Variants in FAM149B1 observed in about 807,000 individuals in gnomAD.
The protein encoded by FAM149B1 is family with sequence similarity 149 member B1.
In FAM149B1, 56 loss-of-function variants were observed where a neutral mutation model predicts 75.3. That is an observed-to-expected ratio of 0.74 (90% CI 0.60 to 0.93). The LOEUF is 0.93. FAM149B1 is among the 40% of genes least tolerant of loss of function. FAM149B1 has a pLI of 0.00. For synonymous variants in FAM149B1, 259 were observed against 256.1 expected (o/e 1.01, Z -0.11); for missense variants, 639 against 708.4 (o/e 0.90, Z 1.11).
intron 5 of FAM149B1, chr10:73,199,997 C>T (rs1485780429): frequency 5.0e-6 from 1 of 201,746 alleles, no homozygotes; most frequent in Non-Finnish European, 1.1e-5. Context: ...CAGAAGCCTT[C>T]CGCTATTCAG....
chr10:73,230,129 CAAT>C (rs762443646), intron 8 of FAM149B1, among the ~76,000 whole-genome samples: 1 of 151,990 alleles, frequency 6.6e-6, no homozygotes, highest in Non-Finnish European at 1.5e-5. Flanking sequence ...TTAATGTAAA[CAAT>C]AATAATAAAG....
chr10:73,207,012 C>A (rs2043079598), intron 5 of FAM149B1, among the ~76,000 whole-genome samples: 1 of 152,188 alleles, frequency 6.6e-6, no homozygotes, highest in Non-Finnish European at 1.5e-5. Context: ...ACACAGAGGG[C>A]AAAGAGTGAA....
intron 11 of FAM149B1, 115 bp from the exon 12 acceptor site, chr10:73,235,078 G>C (rs2043792553): frequency 6.9e-7 from 1 of 1,446,970 alleles, no homozygotes; most frequent in Admixed American, 2.1e-5. Context: ...TTATGACGTG[G>C]AATTGGAGCT....
intron 5 of FAM149B1, among the ~76,000 whole-genome samples, chr10:73,206,918 AAAACAAACAAAC>A (rs147394652): frequency 1.3e-5 from 2 of 151,148 alleles, no homozygotes; most frequent in African/African-American, 2.5e-5. Context: ...CTGTCTCAAA[AAAACAAACAAAC>A]AAACAAACAA....
chr10:73,193,131 G>A (rs1488955209), intron 4 of FAM149B1, among the ~76,000 whole-genome samples: 1 of 152,186 alleles, frequency 6.6e-6, no homozygotes, highest in African/African-American at 2.4e-5. Context: ...ACGTTTTTAA[G>A]AATATAATTC....
At position 73,243,477 on chromosome 10, in the gene FAM149B1, C is replaced by T; in HGVS notation, c.*2458C>T. On this transcript the variant is annotated 3_prime_UTR_variant, in exon 14 of 14. Transcript: ENST00000242505. ...TTGCAGTACTTTGCTTCCATCTGAGCCAGAAAATTGTCCATTTCCTTTTGC... is the reference window on the plus strand; with the variant it reads ...TTGCAGTACTTTGCTTCCATCTGAGTCAGAAAATTGTCCATTTCCTTTTGC... 1 of 1,614,090 alleles carries T rather than the reference C, an allele frequency of 6.2e-7. No homozygotes were observed. The highest frequency in any genetic ancestry group is 8.5e-7 in the Non-Finnish European group (1 of 1,179,996).
chr10:73,214,495 G>T (rs1265725119), intron 7 of FAM149B1, among the ~76,000 whole-genome samples: 1 of 152,058 alleles, frequency 6.6e-6, no homozygotes, highest in Non-Finnish European at 1.5e-5. Flanking sequence ...AGTGTGTTGA[G>T]GACCTTTATC....
intron 6 of FAM149B1, among the ~76,000 whole-genome samples, chr10:73,209,948 C>T (rs568885205): frequency 3.9e-4 from 59 of 152,174 alleles, no homozygotes; most frequent in Middle Eastern, 3.4e-3. Flanking sequence ...TCACGTATCA[C>T]TCATGTGCAC....
At chr10:73,215,839 T>C (rs962849882) in intron 7 of FAM149B1, among the ~76,000 whole-genome samples, 1 of 152,228 alleles carries the variant, frequency 6.6e-6, no homozygotes, top group African/African-American at 2.4e-5. Flanking sequence ...ATTTGGTCTG[T>C]CTTGGAGAAT....
Position 73,202,494 on chromosome 10 carries a change from G to A in FAM149B1, c.543-6125G>A, listed in dbSNP as rs560969103. Among the ~76,000 whole-genome samples the A allele has an allele frequency of 2.2e-4, 33 of 151,460 alleles. No individual in the cohort carries two copies. The South Asian group carries it at 5.6e-3, about 26-fold the overall frequency. On this transcript the variant is annotated intron_variant, in intron 5 of 13. Transcript: ENST00000242505. Reference sequence around the variant, plus strand: ...GTTACCCAGGCTGCAGTGCAATGGCGTGATCTCTGCTCACTGCAACCTCTG... The same window carrying A: ...GTTACCCAGGCTGCAGTGCAATGGCATGATCTCTGCTCACTGCAACCTCTG...
intron 3 of FAM149B1, among the ~76,000 whole-genome samples, chr10:73,190,641 A>G (rs1163295067): frequency 1.3e-5 from 2 of 152,168 alleles, no homozygotes; most frequent in Non-Finnish European, 2.9e-5. Context: ...AAGGATGTGT[A>G]AATTTAGATG....
At position 73,193,566 on chromosome 10, in the gene FAM149B1, C is replaced by T. The variant is rs370830764; in HGVS notation, c.515C>T (p.Thr172Ile). 2 of 1,550,822 alleles carry T rather than the reference C, an allele frequency of 1.3e-6. No individual in the cohort carries two copies. Among genetic ancestry groups the T allele is most frequent in the Non-Finnish European group, 8.7e-7 (1 of 1,146,510 alleles). The stretch of plus-strand genomic sequence containing the variant: ...GCTGTTTCCGCTTCATATGAAACAA[C>T]CTTGTCTCAAGAAAGAGATTCTACT... ...PSAVSASYETTLSQERDSTIF... is the reference protein window; with the variant it reads ...PSAVSASYETILSQERDSTIF... Residue 172 changes from threonine to isoleucine, a missense_variant, in exon 5 of 14, where the codon ACC becomes ATC. Physicochemically the swap from Thr to Ile is moderately conservative, Grantham distance 89 (BLOSUM62 -1). Coordinates refer to ENST00000242505, the MANE Select transcript of FAM149B1 (RefSeq NM_173348.2).
chr10:73,235,321 A>G lies in FAM149B1; in HGVS notation c.1602+3A>G, dbSNP rs2043798174. The G allele has an allele frequency of 6.4e-7, 1 of 1,551,962 alleles. No homozygotes were observed. The highest frequency in any genetic ancestry group is 8.7e-7 in the Non-Finnish European group (1 of 1,147,090). ...CCAACACAACTCAATCATTTTTGGT[A>G]GAGTGACGTACTTCCTAGAATGGTC... On this transcript the variant is annotated splice_donor_region_variant and intron_variant, in intron 12 of 13. Coordinates refer to ENST00000242505, the MANE Select transcript of FAM149B1 (RefSeq NM_173348.2).
intron 7 of FAM149B1, among the ~76,000 whole-genome samples, chr10:73,225,826 A>G (rs988069151): frequency 5.9e-5 from 9 of 152,076 alleles, no homozygotes; most frequent in African/African-American, 2.2e-4. Flanking sequence ...TACCTTTCCT[A>G]TGTTCAGGCT....
In FAM149B1 at chr10:73,168,391, G is replaced by C; in HGVS notation, c.47+5G>C. The C allele has an allele frequency of 1.9e-6, 3 of 1,549,824 alleles. No homozygotes were observed. The highest frequency in any genetic ancestry group is 1.2e-5 in the South Asian group (1 of 83,972). ...GGTGCCACAGAGCTTGGAGCTGTGA[G>C]TGGACTGCTCAGCCACCCCAGCCGG... On this transcript the variant is annotated splice_donor_5th_base_variant and intron_variant, in intron 1 of 13. Coordinates refer to ENST00000242505, the MANE Select transcript of FAM149B1 (RefSeq NM_173348.2).
At position 73,210,330 on chromosome 10, in the gene FAM149B1, T is replaced by C; in HGVS notation, c.790T>C (p.Tyr264His). The change falls in exon 7 of 14, where the codon TAC becomes CAC. Residue 264 changes from tyrosine to histidine, a missense_variant. Tyr to His is a moderately conservative substitution (Grantham distance 83, BLOSUM62 2). Coordinates refer to ENST00000242505, the MANE Select transcript of FAM149B1 (RefSeq NM_173348.2). ...KLGYPPIAPF[Y>H]CMKEDVLAYV... ...AGGGTATCCTCCCATTGCTCCATTT[T>C]ACTGCATGAAAGAAGATGTCCTTGC... is the stretch of plus-strand genomic sequence containing the variant. 2.6e-6 allele frequency: 4 copies of C among 1,551,192 alleles called. No individual in the cohort carries two copies. The highest frequency in any genetic ancestry group is 3.5e-6 in the Non-Finnish European group (4 of 1,146,402).
chr10:73,236,749 G>T (rs1386827430), intron 12 of FAM149B1, among the ~76,000 whole-genome samples: 1 of 148,140 alleles, frequency 6.8e-6, no homozygotes, highest in Non-Finnish European at 1.5e-5. Context: ...TTAAGACAGG[G>T]TCTCACTCTG....
chr10:73,216,425 T>C (rs2043300491), intron 7 of FAM149B1, among the ~76,000 whole-genome samples: 1 of 152,250 alleles, frequency 6.6e-6, no homozygotes, highest in South Asian at 2.1e-4. Flanking sequence ...AGACTTTGTT[T>C]CTGTCATATT....
At chr10:73,175,682 A>G (rs899852998) in intron 2 of FAM149B1, among the ~76,000 whole-genome samples, 42 of 149,746 alleles carry the variant, frequency 2.8e-4, no homozygotes, top group African/African-American at 7.8e-4. Flanking sequence ...AAAAAAAAAA[A>G]AAAAGAAAAG....
Sources: gnomAD v4.1 joint callset for allele counts (sites outside exome capture counted in the v4.1 genomes callset) on GRCh38, gnomAD v4.1.1 for gene constraint, MANE v1.5 for transcripts, NCBI Gene and HGNC (gene_info 2026-07-23, HGNC 2026-07-21) for gene names.